Variants in RSPH14 observed in about 807,000 individuals in gnomAD.
The protein encoded by RSPH14 is radial spoke head 14 homolog, also known as rhabdoid tumor deletion region gene 1.
Under a neutral mutation model 26.7 loss-of-function variants are expected in RSPH14, and 20 were observed. The ratio of observed to expected loss-of-function variants is 0.75; its 90% CI spans 0.53 to 1.09. RSPH14 has a LOEUF of 1.09. RSPH14 is among the 50% of genes least tolerant of loss of function. RSPH14 has a pLI of 0.00. For synonymous variants in RSPH14, 177 were observed against 189.3 expected (o/e 0.93, Z 0.53); for missense variants, 449 against 457.2 (o/e 0.98, Z 0.16).
rs1242751599 is a variant in RSPH14, at chr22:23,134,132, T to C, written c.315A>G (p.Leu105=). Residue 105 remains leucine, a synonymous_variant, in exon 4 of 7, where the codon CTA becomes CTG. Coordinates refer to ENST00000216036, the MANE Select transcript of RSPH14 (RefSeq NM_014433.3). The stretch of plus-strand genomic sequence containing the variant: ...ACAGGGCAAGGACGATGTCGTGCTC[T>C]AGAAAGGCGTATCTAGGGAAGGGAG... ...ASHSVGRYAF[L]EHDIVLALSF... 1 of 1,608,674 alleles carries C rather than the reference T, an allele frequency of 6.2e-7. No homozygotes were observed.
the RSPH14 span, chr22:23,161,645 C>A: frequency 8.0e-7 from 1 of 1,247,080 alleles, no homozygotes; most frequent in Non-Finnish European, 1.1e-6. Flanking sequence ...AGACTGGAGC[C>A]CAAGCTCTGC....
chr22:23,095,987 C>T, intron 4 of RSPH14: 2 of 1,609,986 alleles, frequency 1.2e-6, no homozygotes, highest in Admixed American at 1.7e-5. Flanking sequence ...CTTCCACAAC[C>T]CCGACCGCGC....
At chr22:23,128,901 G>C (rs1478170395) in intron 4 of RSPH14, among the ~76,000 whole-genome samples, 1 of 152,220 alleles carries the variant, frequency 6.6e-6, no homozygotes, top group East Asian at 1.9e-4. Context: ...GGTGCAGAGG[G>C]TGCCATGGTG....
intron 4 of RSPH14, chr22:23,131,534 A>T (rs553396388): frequency 3.9e-6 from 4 of 1,034,774 alleles, no homozygotes; most frequent in Non-Finnish European, 3.9e-6. Context: ...GTGGTATCCA[A>T]TGTTCCTTAT....
At chr22:23,147,138 C>G (rs905671912), upstream of RSPH14, among the ~76,000 whole-genome samples, 6 of 152,152 alleles carry the variant, frequency 3.9e-5, no homozygotes, top group African/African-American at 1.4e-4. Context: ...TCCATGACCC[C>G]AAATCCAGGG....
At chr22:23,063,130 C>A (rs1234192436) in intron 5 of RSPH14, among the ~76,000 whole-genome samples, 1 of 152,132 alleles carries the variant, frequency 6.6e-6, no homozygotes, top group Non-Finnish European at 1.5e-5. Flanking sequence ...AGAAAGGGGA[C>A]CTCTGAGCAG....
the RSPH14 span, chr22:23,152,416 C>T: frequency 1.2e-6 from 2 of 1,603,674 alleles, no homozygotes; most frequent in African/African-American, 1.3e-5. Flanking sequence ...TCTGAAGACA[C>T]CCTGGAAGGC....
intron 4 of RSPH14, among the ~76,000 whole-genome samples, chr22:23,075,433 G>A (rs2068484863): frequency 6.6e-6 from 1 of 152,196 alleles, no homozygotes; most frequent in Non-Finnish European, 1.5e-5. Context: ...TTGAGGTTGA[G>A]GTTTAGATGG....
the RSPH14 span, chr22:23,158,809 A>C: frequency 8.6e-7 from 1 of 1,163,842 alleles, no homozygotes. Flanking sequence ...CCAGCACTTC[A>C]GCCCTGGGGA....
In RSPH14 at chr22:23,061,054, C is replaced by T. The variant is rs181892088; in HGVS notation, c.790+755G>A. ...GCTGTGGACTCCAAGAAAGCCCCAACCTCTCCCATCTGCATACCTCAAGCA... is the reference window on the plus strand; with the variant it reads ...GCTGTGGACTCCAAGAAAGCCCCAATCTCTCCCATCTGCATACCTCAAGCA... On this transcript the variant is annotated intron_variant, in intron 6 of 6. Coordinates refer to ENST00000216036, the MANE Select transcript of RSPH14 (RefSeq NM_014433.3). 2.6e-5 allele frequency among the ~76,000 whole-genome samples: 4 copies of T among 152,290 alleles called. No individual in the cohort carries two copies. In the East Asian group the frequency reaches 7.7e-4, roughly 29 times the overall value.
intron 4 of RSPH14, among the ~76,000 whole-genome samples, chr22:23,083,805 C>T (rs1391132769): frequency 2.0e-5 from 3 of 152,228 alleles, no homozygotes; most frequent in Admixed American, 6.5e-5. Flanking sequence ...CAGCGGCACA[C>T]CACACCTGTT....
At chr22:23,169,755 C>A in the RSPH14 span, among the ~76,000 whole-genome samples, 3 of 152,052 alleles carry the variant, frequency 2.0e-5, no homozygotes, top group African/African-American at 7.2e-5. Flanking sequence ...ACTGTGTGAC[C>A]CTCATGAGCA....
At chr22:23,105,174 C>A (rs1272056963) in intron 4 of RSPH14, among the ~76,000 whole-genome samples, 1 of 152,216 alleles carries the variant, frequency 6.6e-6, no homozygotes, top group African/African-American at 2.4e-5. Context: ...CACAGCCCCA[C>A]ACACCTTTTC....
intron 6 of RSPH14, among the ~76,000 whole-genome samples, chr22:23,061,168 C>A (rs2146205257): frequency 6.6e-6 from 1 of 152,272 alleles, no homozygotes; most frequent in South Asian, 2.1e-4. Flanking sequence ...CCATGGAACT[C>A]AAAGGAAGCA....
the RSPH14 span, among the ~76,000 whole-genome samples, chr22:23,168,487 C>T: frequency 2.7e-5 from 4 of 147,706 alleles, no homozygotes; most frequent in South Asian, 2.2e-4. Flanking sequence ...CCCTGGGCAC[C>T]GCTCCCCGCC....
rs139709338 is a variant in RSPH14 at position 23,106,730 on chromosome 22, C to A, written c.421+27296G>T. 1.8e-3 allele frequency among the ~76,000 whole-genome samples: 280 copies of A among 152,376 alleles called. 1 individual carries two copies. The highest frequency in any genetic ancestry group is 5.0e-3 in the African/African-American group (208 of 41,592). ...GAGCCTGGCGCAGGGCATGCTGGTG[C>A]ACTGCATGCACAACCTCTAAGCCTC... On this transcript the variant is annotated intron_variant, in intron 4 of 6. Coordinates refer to ENST00000216036, the MANE Select transcript of RSPH14 (RefSeq NM_014433.3).
chr22:23,060,242 C>A (rs1013291618), intron 6 of RSPH14, among the ~76,000 whole-genome samples: 14 of 152,078 alleles, frequency 9.2e-5, no homozygotes, highest in Admixed American at 9.2e-4. Context: ...GAGGCCGAGG[C>A]TGGTGGATCA....
rs757791311 is a variant in RSPH14 at position 23,130,093 on chromosome 22, A to AAG, written c.421+3931_421+3932dup. Among the ~76,000 whole-genome samples the AAG allele has an allele frequency of 2.4e-3, 84 of 35,712 alleles. 2 individuals are homozygous for AAG. The highest frequency in any genetic ancestry group is 6.7e-3 in the African/African-American group (81 of 12,154). The allele number at this position is 35,712 out of a possible 152,430, so 23.4% of individuals were successfully genotyped here. A position where few individuals can be genotyped will look rare whatever the true frequency, so the allele number is the denominator to read the frequency against. On this transcript the variant is annotated intron_variant, in intron 4 of 6. Coordinates refer to ENST00000216036, the MANE Select transcript of RSPH14 (RefSeq NM_014433.3). ...AAAGAAAGAAAGAAAGGAAGAAAGA[A>AAG]AGAAAGAAAGAAAGAAAGAAAGAAA...
rs2070534010 is a variant in RSPH14 at position 23,138,926 on chromosome 22, C to T, written c.216G>A (p.Leu72=). 3.3e-6 allele frequency: 5 copies of T among 1,535,448 alleles called. No individual in the cohort carries two copies. In the African/African-American group the frequency reaches 7.0e-5, roughly 22 times the overall value. Reference sequence around the variant, plus strand: ...TGTTGCTATCCTTCAGCAAAGCTTTCAGGTTCTCCATACAGCCTAGAAAAA... The same window carrying T: ...TGTTGCTATCCTTCAGCAAAGCTTTTAGGTTCTCCATACAGCCTAGAAAAA... ...KAMNIGCMEN[L]KALLKDSNSM... Residue 72 remains leucine (L), a synonymous_variant, in exon 3 of 7, where the codon CTG becomes CTA. Transcript: ENST00000216036.
Sources: allele counts gnomAD v4.1 joint callset (sites outside exome capture counted in the v4.1 genomes callset), GRCh38; gene constraint gnomAD v4.1.1; transcripts MANE v1.5; gene names NCBI Gene and HGNC (gene_info 2026-07-23, HGNC 2026-07-21).